The following IGSF5 variants were observed in gnomAD, a reference collection of about 807,000 sequenced individuals.
The protein encoded by IGSF5 is immunoglobulin superfamily member 5, also known as immunoglobulin superfamily 5 like.
In IGSF5, 41 loss-of-function variants were observed where a neutral mutation model predicts 39.4. The ratio of observed to expected loss-of-function variants is 1.04; its 90% CI spans 0.81 to 1.35. The LOEUF (loss-of-function observed/expected upper bound fraction) is 1.35, where lower values mean the gene tolerates loss of function less well. IGSF5 is among the 40% of genes most tolerant of loss of function. The pLI is 0.00. For synonymous variants in IGSF5, 183 were observed against 175.3 expected, an observed-to-expected ratio of 1.04 and a Z score of -0.34; for missense variants, 487 against 494.6, an observed-to-expected ratio of 0.98 and a Z score of 0.15.
intron 3 of IGSF5, among the ~76,000 whole-genome samples, chr21:39,767,342 A>C (rs1016960575): frequency 6.6e-6 from 1 of 152,144 alleles, no homozygotes; most frequent in African/African-American, 2.4e-5. Flanking sequence ...TGATGACTCC[A>C]AAGTCCTGTC....
intron 2 of IGSF5, among the ~76,000 whole-genome samples, chr21:39,749,225 T>C (rs1275199107): frequency 6.6e-6 from 1 of 151,858 alleles, no homozygotes; most frequent in African/African-American, 2.4e-5. Flanking sequence ...TTTTTTTTTT[T>C]TTTTTGAAAC....
At chr21:39,711,955 T>C in the IGSF5 span, among the ~76,000 whole-genome samples, 1 of 152,176 alleles carries the variant, frequency 6.6e-6, no homozygotes, top group African/African-American at 2.4e-5. Flanking sequence ...GCTTAATGTG[T>C]AATGAGACTC....
intron 8 of IGSF5, among the ~76,000 whole-genome samples, chr21:39,795,968 G>C (rs1339056077): frequency 6.6e-6 from 1 of 152,082 alleles, no homozygotes; most frequent in Non-Finnish European, 1.5e-5. Flanking sequence ...GGGGACTTTA[G>C]GACAAAGTCC....
chr21:39,795,240 A>T (rs746790185), intron 8 of IGSF5, among the ~76,000 whole-genome samples: 1 of 152,148 alleles, frequency 6.6e-6, no homozygotes. Flanking sequence ...GGAAGGGACG[A>T]TGATGCAACA....
At chr21:39,723,821 A>G in the IGSF5 span, among the ~76,000 whole-genome samples, 1 of 152,330 alleles carries the variant, frequency 6.6e-6, no homozygotes. Context: ...GCTGTTGATT[A>G]CATGAAATTA....
chr21:39,781,281 A>G (rs1048404376), intron 5 of IGSF5, among the ~76,000 whole-genome samples: 1 of 152,202 alleles, frequency 6.6e-6, no homozygotes, highest in African/African-American at 2.4e-5. Context: ...TATCCTGGAA[A>G]TCAATCCATG....
intron 2 of IGSF5, among the ~76,000 whole-genome samples, chr21:39,749,899 A>G (rs185714428): frequency 6.6e-6 from 1 of 152,360 alleles, no homozygotes; most frequent in Admixed American, 6.5e-5. Flanking sequence ...TCAGGTAAGC[A>G]GAGAGATGAC....
chr21:39,727,408 G>T, the IGSF5 span, among the ~76,000 whole-genome samples: 1 of 152,220 alleles, frequency 6.6e-6, no homozygotes, highest in African/African-American at 2.4e-5. Context: ...CCAGGGGACT[G>T]AAACACAGCT....
In IGSF5 at chr21:39,771,231, C is replaced by T; in HGVS notation, c.718+16C>T. The T allele has an allele frequency of 6.6e-7, 1 of 1,526,012 alleles. No homozygotes were observed. Among genetic ancestry groups the T allele is most frequent in the Admixed American group, 2.1e-5 (1 of 48,766 alleles). The allele number at this position is 1,526,012 out of a possible 1,614,324, so 94.5% of individuals were successfully genotyped here. ...TGTCCCCAAGGTAAGTGAAGACATTCTGCTTTATATGAAATGAATGATTAT... is the reference window on the plus strand; with the variant it reads ...TGTCCCCAAGGTAAGTGAAGACATTTTGCTTTATATGAAATGAATGATTAT... On this transcript the variant is annotated intron_variant, in intron 4 of 8. Transcript: ENST00000380588.
intron 6 of IGSF5, among the ~76,000 whole-genome samples, chr21:39,789,443 C>T (rs2837221): frequency 0.26 from 39,524 of 152,016 alleles, 6,545 homozygotes; most frequent in East Asian, 0.47. Flanking sequence ...CCTTTGTCTC[C>T]GTGCAGCCCT....
chr21:39,747,940 C>CAA (rs200945240), intron 2 of IGSF5, among the ~76,000 whole-genome samples: 91 of 118,810 alleles, frequency 7.7e-4, no homozygotes, highest in South Asian at 1.3e-3. Flanking sequence ...AAAACTCTGG[C>CAA]AAAAAAAAAA....
At chr21:39,782,178 T>C (rs2080174168) in intron 5 of IGSF5, among the ~76,000 whole-genome samples, 1 of 152,218 alleles carries the variant, frequency 6.6e-6, no homozygotes, top group Non-Finnish European at 1.5e-5. Context: ...TCTATTCTGT[T>C]CCATTGGTCC....
intron 5 of IGSF5, among the ~76,000 whole-genome samples, chr21:39,781,758 ATGAT>A (rs1424404639): frequency 6.6e-6 from 1 of 152,190 alleles, no homozygotes. Context: ...ATCTTTTTGT[ATGAT>A]TGAGAACAAT....
intron 8 of IGSF5, among the ~76,000 whole-genome samples, chr21:39,793,924 A>C (rs905385066): frequency 6.6e-6 from 1 of 152,118 alleles, no homozygotes; most frequent in Non-Finnish European, 1.5e-5. Flanking sequence ...CAGCATATAT[A>C]ATGTGCCATT....
chr21:39,790,009 G>A (rs1051913952), intron 6 of IGSF5, among the ~76,000 whole-genome samples: 1 of 152,134 alleles, frequency 6.6e-6, no homozygotes, highest in African/African-American at 2.4e-5. Flanking sequence ...TTCACAAAAA[G>A]CACAAATGCC....
intron 6 of IGSF5, among the ~76,000 whole-genome samples, chr21:39,791,297 G>A (rs1236796757): frequency 2.6e-5 from 4 of 152,152 alleles, no homozygotes; most frequent in African/African-American, 9.7e-5. Context: ...TCGGTTGTTT[G>A]CAGTTTGCTT....
chr21:39,716,012 C>A, the IGSF5 span, among the ~76,000 whole-genome samples: 10,975 of 152,220 alleles, frequency 0.072, 795 homozygotes, highest in East Asian at 0.21. Context: ...ATGAAGGAAA[C>A]CATTTCAATC....
At chr21:39,713,103 T>C in the IGSF5 span, among the ~76,000 whole-genome samples, 2 of 152,194 alleles carry the variant, frequency 1.3e-5, no homozygotes, top group Non-Finnish European at 2.9e-5. Flanking sequence ...GAACCAAGCA[T>C]TTCCCTCCCT....
intron 4 of IGSF5, among the ~76,000 whole-genome samples, chr21:39,776,571 C>A (rs144914222): frequency 3.9e-4 from 59 of 152,304 alleles, no homozygotes; most frequent in African/African-American, 1.4e-3. Flanking sequence ...CCCTCAGTCT[C>A]TCCCTTGACT....
Sources: allele counts gnomAD v4.1 joint callset (sites outside exome capture counted in the v4.1 genomes callset), GRCh38; gene constraint gnomAD v4.1.1; transcripts MANE v1.5; gene names NCBI Gene and HGNC (gene_info 2026-07-23, HGNC 2026-07-21).